Variants in TXNDC11 observed in about 807,000 individuals in gnomAD.
TXNDC11 encodes thioredoxin domain containing 11.
Under a neutral mutation model 78.0 loss-of-function variants are expected in TXNDC11, and 68 were observed. That is an observed-to-expected ratio of 0.87 (90% CI 0.72 to 1.07). The LOEUF is 1.07. Ranked by LOEUF, TXNDC11 falls within the 50% of genes least tolerant of loss-of-function variation. The pLI, the probability that TXNDC11 is intolerant of heterozygous loss-of-function variation, is 0.00. For missense variants in TXNDC11, 1,389 were observed against 1,221.8 expected (o/e 1.14, Z -2.04); for synonymous variants, 571 against 495.2 (o/e 1.15, Z -2.03).
chr16:11,699,137 C>A (rs1159419107), intron 6 of TXNDC11, among the ~76,000 whole-genome samples: 1 of 152,170 alleles, frequency 6.6e-6, no homozygotes, highest in Non-Finnish European at 1.5e-5. Flanking sequence ...CAGAGACTAA[C>A]CACTGCTTGT....
intron 4 of TXNDC11, among the ~76,000 whole-genome samples, chr16:11,726,779 G>A (rs563286157): frequency 6.6e-6 from 1 of 152,180 alleles, no homozygotes; most frequent in South Asian, 2.1e-4. Context: ...CGTCAGCGGG[G>A]CACAGTGGCT....
chr16:11,696,013 A>T (rs2050848509), intron 7 of TXNDC11, among the ~76,000 whole-genome samples: 1 of 150,388 alleles, frequency 6.6e-6, no homozygotes, highest in Non-Finnish European at 1.5e-5. Flanking sequence ...GCAACAAAGG[A>T]AGACCCTAAC....
At chr16:11,717,480 T>A (rs1422061845) in intron 5 of TXNDC11, among the ~76,000 whole-genome samples, 1 of 149,624 alleles carries the variant, frequency 6.7e-6, no homozygotes, top group Non-Finnish European at 1.5e-5. Flanking sequence ...AACTTTTTTT[T>A]AAAGAAAATA....
chr16:11,702,165 G>A (rs978692892), intron 5 of TXNDC11, among the ~76,000 whole-genome samples: 1 of 151,518 alleles, frequency 6.6e-6, no homozygotes, highest in African/African-American at 2.4e-5. Context: ...GAATCTAAAA[G>A]GATAATGAAA....
chr16:11,680,687 C>T (rs995014246), intron 11 of TXNDC11, among the ~76,000 whole-genome samples: 4 of 152,068 alleles, frequency 2.6e-5, no homozygotes, highest in Non-Finnish European at 2.9e-5. Flanking sequence ...GGCCGGCAGC[C>T]GAGTTTGTCT....
intron 7 of TXNDC11, among the ~76,000 whole-genome samples, chr16:11,696,133 C>A (rs1183612157): frequency 1.3e-5 from 2 of 152,114 alleles, no homozygotes; most frequent in African/African-American, 2.4e-5. Context: ...CAAGATCTCT[C>A]CCCAGTTAGC....
intron 5 of TXNDC11, among the ~76,000 whole-genome samples, chr16:11,718,493 T>C (rs1314804731): frequency 6.6e-6 from 1 of 152,224 alleles, no homozygotes; most frequent in East Asian, 1.9e-4. Flanking sequence ...CTGTATCTTT[T>C]TTTTTTAAAT....
At chr16:11,693,562 T>C (rs2050778156) in intron 7 of TXNDC11, among the ~76,000 whole-genome samples, 1 of 152,178 alleles carries the variant, frequency 6.6e-6, no homozygotes, top group African/African-American at 2.4e-5. Flanking sequence ...TAAAAAAGTT[T>C]TATAACGTAA....
At chr16:11,707,407 T>C (rs1022722567) in intron 5 of TXNDC11, among the ~76,000 whole-genome samples, 2 of 151,728 alleles carry the variant, frequency 1.3e-5, no homozygotes, top group African/African-American at 4.8e-5. Flanking sequence ...ATAATTTGGA[T>C]ACACTGGGTT....
intron 10 of TXNDC11, among the ~76,000 whole-genome samples, chr16:11,687,366 C>G (rs2050593904): frequency 6.6e-6 from 1 of 151,962 alleles, no homozygotes; most frequent in African/African-American, 2.4e-5. Flanking sequence ...CCTTCTTTTC[C>G]CAAAAAATAT....
intron 1 of TXNDC11, among the ~76,000 whole-genome samples, chr16:11,741,051 G>A (rs867806968): frequency 2.6e-5 from 4 of 152,168 alleles, no homozygotes; most frequent in African/African-American, 7.2e-5. Context: ...CAGTAGTCAG[G>A]GCAGCCCCCA....
rs2051995947 is a variant in TXNDC11, at chr16:11,729,944, A to T, written c.699+701T>A. ...AACCCTCTTTAGTGAAAAATACAAAAATTAGCTGGGCGTGGTGGCACTGCC... is the reference window on the plus strand; with the variant it reads ...AACCCTCTTTAGTGAAAAATACAAATATTAGCTGGGCGTGGTGGCACTGCC... On this transcript the variant is annotated intron_variant, in intron 4 of 11. Transcript: ENST00000283033. Among the ~76,000 whole-genome samples, 4 of 152,082 alleles carry T rather than the reference A, an allele frequency of 2.6e-5. No homozygotes were observed. The South Asian group carries it at 8.3e-4, about 31-fold the overall frequency.
At chr16:11,693,647 A>C (rs1234980402) in intron 7 of TXNDC11, among the ~76,000 whole-genome samples, 1 of 152,270 alleles carries the variant, frequency 6.6e-6, no homozygotes, top group African/African-American at 2.4e-5. Flanking sequence ...GCATAAAAAA[A>C]GTCACTTTAT....
chr16:11,728,040 T>A (rs2051935953), intron 4 of TXNDC11, among the ~76,000 whole-genome samples: 2 of 152,256 alleles, frequency 1.3e-5, no homozygotes, highest in Middle Eastern at 3.4e-3. Flanking sequence ...TTATCTGACC[T>A]CCAACGTCAA....
At chr16:11,713,110 G>GAAA (rs35333554) in intron 5 of TXNDC11, among the ~76,000 whole-genome samples, 4 of 111,818 alleles carry the variant, frequency 3.6e-5, no homozygotes, top group African/African-American at 6.6e-5. Flanking sequence ...TCTGTCTCAG[G>GAAA]AAAAAAAAAA....
At chr16:11,730,557 A>AT in intron 4 of TXNDC11, 88 bp downstream of exon 4, 2 of 1,409,060 alleles carry the variant, frequency 1.4e-6, no homozygotes, top group Non-Finnish European at 9.8e-7. Flanking sequence ...TTCAGGAGGT[A>AT]TTTTTTTAAA....
intron 5 of TXNDC11, among the ~76,000 whole-genome samples, chr16:11,713,241 T>C (rs8047190): frequency 0.47 from 69,994 of 148,170 alleles, 16,830 homozygotes; most frequent in Middle Eastern, 0.57. Flanking sequence ...TGAGCCATGA[T>C]TGTGCACTCC....
At chr16:11,708,808 T>C (rs1482420505) in intron 5 of TXNDC11, among the ~76,000 whole-genome samples, 2 of 152,208 alleles carry the variant, frequency 1.3e-5, no homozygotes, top group Admixed American at 6.5e-5. Flanking sequence ...CTTCCATCTG[T>C]TGGGAAACAA....
intron 8 of TXNDC11, among the ~76,000 whole-genome samples, chr16:11,689,319 T>G (rs965728112): frequency 2.6e-5 from 4 of 152,174 alleles, no homozygotes; most frequent in African/African-American, 9.6e-5. Context: ...CAATGCAGCG[T>G]GCAGAATGGA....
Sources: gnomAD v4.1 joint callset for allele counts (sites outside exome capture counted in the v4.1 genomes callset) on GRCh38, gnomAD v4.1.1 for gene constraint, MANE v1.5 for transcripts, NCBI Gene and HGNC (gene_info 2026-07-23, HGNC 2026-07-21) for gene names.